The following EEFSEC variants were observed in gnomAD, a reference collection of about 807,000 sequenced individuals.
EEFSEC encodes eukaryotic elongation factor, selenocysteine-tRNA specific.
Under a neutral mutation model 42.1 loss-of-function variants are expected in EEFSEC, and 43 were observed. That is an observed-to-expected ratio of 1.02 (90% CI 0.80 to 1.32). The LOEUF is 1.32. EEFSEC is among the 40% of genes most tolerant of loss of function. The pLI is 0.00. For synonymous variants in EEFSEC, 354 were observed against 339.1 expected (o/e 1.04, Z -0.48); for missense variants, 745 against 803.6 (o/e 0.93, Z 0.88).
intron 6 of EEFSEC, among the ~76,000 whole-genome samples, chr3:128,373,073 C>T (rs1269474161): frequency 6.6e-6 from 1 of 152,168 alleles, no homozygotes; most frequent in African/African-American, 2.4e-5. Context: ...TCCTGAAGAG[C>T]GTCTCACTGA....
At chr3:128,367,853 T>C (rs1175526003) in intron 6 of EEFSEC, 1 of 985,184 alleles carries the variant, frequency 1.0e-6, no homozygotes, top group Non-Finnish European at 1.2e-6. Context: ...CAAGCAGTTC[T>C]GCACTGGTGA....
intron 4 of EEFSEC, among the ~76,000 whole-genome samples, chr3:128,322,189 G>A (rs2067014703): frequency 1.3e-5 from 2 of 152,206 alleles, no homozygotes; most frequent in South Asian, 2.1e-4. Context: ...TGTCTCTCCT[G>A]GGGCTGTTGC....
At chr3:128,197,728 G>A (rs968666408) in intron 1 of EEFSEC, among the ~76,000 whole-genome samples, 1 of 152,100 alleles carries the variant, frequency 6.6e-6, no homozygotes, top group Non-Finnish European at 1.5e-5. Context: ...ATGGCCCAGG[G>A]TAGCAACAAT....
intron 4 of EEFSEC, among the ~76,000 whole-genome samples, chr3:128,288,239 A>G (rs996967986): frequency 6.6e-6 from 1 of 152,170 alleles, no homozygotes; most frequent in African/African-American, 2.4e-5. Context: ...TGGCTTTGGC[A>G]GACAAAACTC....
intron 4 of EEFSEC, among the ~76,000 whole-genome samples, chr3:128,269,301 G>A (rs1001566335): frequency 6.6e-6 from 1 of 152,254 alleles, no homozygotes; most frequent in Non-Finnish European, 1.5e-5. Flanking sequence ...CCAGGGCAGG[G>A]CCTGCAGGCC....
At chr3:128,188,700 G>A (rs1039641151) in intron 1 of EEFSEC, among the ~76,000 whole-genome samples, 17 of 152,320 alleles carry the variant, frequency 1.1e-4, no homozygotes, top group African/African-American at 4.1e-4. Context: ...TACAAGCAAA[G>A]TAGGTTTCCA....
At chr3:128,308,303 CCTT>C (rs1440390381) in intron 4 of EEFSEC, among the ~76,000 whole-genome samples, 19 of 152,220 alleles carry the variant, frequency 1.2e-4, no homozygotes, top group African/African-American at 4.1e-4. Context: ...TGACCTCAGT[CCTT>C]CTTGGTGCCA....
intron 1 of EEFSEC, among the ~76,000 whole-genome samples, chr3:128,208,457 ACT>A (rs1307504305): frequency 6.6e-6 from 1 of 152,032 alleles, no homozygotes; most frequent in Non-Finnish European, 1.5e-5. Flanking sequence ...CTGTAGACAA[ACT>A]CTATCTAGTG....
intron 6 of EEFSEC, among the ~76,000 whole-genome samples, chr3:128,360,337 A>C (rs764713458): frequency 6.6e-6 from 1 of 152,210 alleles, no homozygotes; most frequent in Non-Finnish European, 1.5e-5. Context: ...TCAGTCCCCA[A>C]GGGCCTCGTG....
chr3:128,335,536 G>A (rs575044608), intron 4 of EEFSEC, among the ~76,000 whole-genome samples: 58 of 152,326 alleles, frequency 3.8e-4, no homozygotes, highest in South Asian at 1.0e-3. Flanking sequence ...ACAGTGGGTC[G>A]GGGTCACAGC....
intron 1 of EEFSEC, among the ~76,000 whole-genome samples, chr3:128,165,942 A>C (rs1468051164): frequency 2.6e-5 from 4 of 152,282 alleles, no homozygotes; most frequent in African/African-American, 9.6e-5. Flanking sequence ...TTGAGGAAAA[A>C]ATGGCCCTGT....
chr3:128,158,566 A>G (rs1944419113), intron 1 of EEFSEC, among the ~76,000 whole-genome samples: 1 of 152,246 alleles, frequency 6.6e-6, no homozygotes, highest in South Asian at 2.1e-4. Context: ...TCCACCAGCA[A>G]AAAGATTATG....
chr3:128,302,511 A>AT (rs201143771), intron 4 of EEFSEC, among the ~76,000 whole-genome samples: 3 of 152,262 alleles, frequency 2.0e-5, no homozygotes, highest in Non-Finnish European at 2.9e-5. Context: ...TAAAACAATT[A>AT]TTTTTTTAAA....
intron 1 of EEFSEC, among the ~76,000 whole-genome samples, chr3:128,155,493 C>T (rs1944363352): frequency 6.6e-6 from 1 of 152,098 alleles, no homozygotes. Flanking sequence ...AGTTTTAAAA[C>T]ATGTTTTGTT....
At chr3:128,220,760 C>T (rs370116519) in intron 1 of EEFSEC, among the ~76,000 whole-genome samples, 10 of 152,184 alleles carry the variant, frequency 6.6e-5, no homozygotes, top group South Asian at 6.2e-4. Context: ...GCCAACCTCC[C>T]GGGAGTATCC....
intron 1 of EEFSEC, among the ~76,000 whole-genome samples, chr3:128,238,136 A>C (rs1397717085): frequency 6.6e-6 from 1 of 152,170 alleles, no homozygotes; most frequent in African/African-American, 2.4e-5. Flanking sequence ...TGAGGATTAG[A>C]ACTAATGCAG....
At chr3:128,321,202 G>A (rs1238974295) in intron 4 of EEFSEC, among the ~76,000 whole-genome samples, 4 of 152,150 alleles carry the variant, frequency 2.6e-5, no homozygotes, top group Non-Finnish European at 5.9e-5. Context: ...GGGGGAGAGT[G>A]CTGTGCTCCC....
chr3:128,313,663 T>C (rs1035368851), intron 4 of EEFSEC, among the ~76,000 whole-genome samples: 1 of 152,228 alleles, frequency 6.6e-6, no homozygotes, highest in Non-Finnish European at 1.5e-5. Flanking sequence ...AACAGGGCAC[T>C]TGTAACCAGG....
chr3:128,159,117 G>T (rs1944432380), intron 1 of EEFSEC, among the ~76,000 whole-genome samples: 1 of 152,184 alleles, frequency 6.6e-6, no homozygotes, highest in Non-Finnish European at 1.5e-5. Context: ...TGTTTTTCTT[G>T]TAAAGAGAAG....
Sources: gnomAD v4.1 joint callset for allele counts (sites outside exome capture counted in the v4.1 genomes callset) on GRCh38, gnomAD v4.1.1 for gene constraint, MANE v1.5 for transcripts, NCBI Gene and HGNC (gene_info 2026-07-23, HGNC 2026-07-21) for gene names.